Variants in ADAMTS2 observed in about 807,000 individuals in gnomAD.
The protein encoded by ADAMTS2 is ADAM metallopeptidase with thrombospondin type 1 motif 2.
In ADAMTS2, 50 loss-of-function variants were observed where a neutral mutation model predicts 123.0. The ratio of observed to expected loss-of-function variants is 0.41; its 90% CI spans 0.32 to 0.51. ADAMTS2 has a LOEUF of 0.51. Among genes scored for constraint, ADAMTS2 ranks in the 20% least tolerant of loss-of-function variants. The pLI is 0.35. For missense variants in ADAMTS2, 1,494 were observed against 1,705.2 expected, an observed-to-expected ratio of 0.88 and a Z score of 2.18; for synonymous variants, 678 against 695.4, an observed-to-expected ratio of 0.98 and a Z score of 0.39.
At position 179,225,229 on chromosome 5, in the gene ADAMTS2, T is replaced by C. The variant is rs539968528; in HGVS notation, c.689-17514A>G. Among the ~76,000 whole-genome samples the C allele has an allele frequency of 1.2e-3, 189 of 152,318 alleles. No individual in the cohort carries two copies. The highest frequency in any genetic ancestry group is 4.4e-3 in the African/African-American group (182 of 41,560). On this transcript the variant is annotated intron_variant, in intron 3 of 21. Coordinates refer to ENST00000251582, the MANE Select transcript of ADAMTS2 (RefSeq NM_014244.5). The surrounding 1 kb of genome is among the most constrained non-coding windows in gnomAD (Gnocchi z 4.5). Reference sequence around the variant, plus strand: ...AGGGCTCACCCACATCATGTGCGCTTCAGACAAAGGACTAATTTCCTTAAT... The same window carrying C: ...AGGGCTCACCCACATCATGTGCGCTCCAGACAAAGGACTAATTTCCTTAAT...
At chr5:179,123,474 G>A (rs1762796613) in intron 19 of ADAMTS2, among the ~76,000 whole-genome samples, 1 of 152,216 alleles carries the variant, frequency 6.6e-6, no homozygotes, top group Non-Finnish European at 1.5e-5. Flanking sequence ...GGCCCAGGCT[G>A]GAGTACAGTG....
chr5:179,182,325 C>T (rs112833515), intron 4 of ADAMTS2, among the ~76,000 whole-genome samples: 32 of 152,270 alleles, frequency 2.1e-4, no homozygotes, highest in African/African-American at 6.3e-4. Context: ...GTGTGCAGAC[C>T]GAGCCCAGGG....
chr5:179,271,996 C>T (rs866066136), intron 3 of ADAMTS2, among the ~76,000 whole-genome samples: 25 of 152,320 alleles, frequency 1.6e-4, no homozygotes, highest in African/African-American at 5.3e-4. Flanking sequence ...ACTCTCCTCA[C>T]CCAGGGGTCC....
Position 179,130,226 on chromosome 5 carries a change from A to G in ADAMTS2, c.2291-128T>C. The G allele has an allele frequency of 1.7e-6, 2 of 1,203,678 alleles. No individual in the cohort carries two copies. The highest frequency in any genetic ancestry group is 2.4e-6 in the Non-Finnish European group (2 of 834,726). The allele number at this position is 1,203,678 out of a possible 1,614,324, so 74.6% of individuals were successfully genotyped here. On this transcript the variant is annotated intron_variant, in intron 15 of 21. Coordinates refer to ENST00000251582, the MANE Select transcript of ADAMTS2 (RefSeq NM_014244.5). This position sits in a 1 kb window ranked among gnomAD's most constrained non-coding sequence, Gnocchi z 4.3. The stretch of plus-strand genomic sequence containing the variant: ...CTTGTCTCTCTGGCTGCCCCCGGCC[A>G]GTTTCCTCTGTGCCACGACAGCCCA...
intron 3 of ADAMTS2, among the ~76,000 whole-genome samples, chr5:179,209,054 G>A (rs1764787572): frequency 6.6e-6 from 1 of 152,202 alleles, no homozygotes; most frequent in Non-Finnish European, 1.5e-5. Flanking sequence ...CTCCCTCCCT[G>A]TGAGGGTGGC....
intron 2 of ADAMTS2, among the ~76,000 whole-genome samples, chr5:179,339,299 G>T (rs1757703657): frequency 6.6e-6 from 1 of 152,174 alleles, no homozygotes; most frequent in Middle Eastern, 3.2e-3. Flanking sequence ...CTCAAAGGTT[G>T]CCTCCTTGGA....
intron 3 of ADAMTS2, among the ~76,000 whole-genome samples, chr5:179,235,645 G>C (rs1306609612): frequency 6.6e-6 from 1 of 152,220 alleles, no homozygotes; most frequent in Non-Finnish European, 1.5e-5. Flanking sequence ...TGGTAGGCCA[G>C]GCCTTGCCCT....
At chr5:179,121,586 G>C in intron 21 of ADAMTS2, 75 bp downstream of exon 21, 1 of 1,247,368 alleles carries the variant, frequency 8.0e-7, no homozygotes, top group Non-Finnish European at 1.1e-6. Flanking sequence ...GAGAGGAGGG[G>C]GGCCCAAGGC....
Position 179,273,017 on chromosome 5 carries a change from C to T in ADAMTS2, c.582G>A (p.Leu194=). ...CCTCCTGCGCCGCCAGCCCCTTCTC[C>T]AAGGGTTCGATGAAGAACTCCTCCT... ...MEEEEFFIEP[L]EKGLAAQEAE... Residue 194 remains leucine, a synonymous_variant, in exon 3 of 22, where the codon TTG becomes TTA. Transcript: ENST00000251582. 6.2e-7 allele frequency: 1 copy of T among 1,613,548 alleles called. No homozygotes were observed. Among genetic ancestry groups the T allele is most frequent in the South Asian group, 1.1e-5 (1 of 91,076 alleles).
intron 3 of ADAMTS2, among the ~76,000 whole-genome samples, chr5:179,268,060 T>G (rs531828785): frequency 6.6e-6 from 1 of 152,314 alleles, no homozygotes. Context: ...TCCAGAAATT[T>G]TAAGCCACAT....
At chr5:179,327,782 A>G (rs1469660898) in intron 2 of ADAMTS2, among the ~76,000 whole-genome samples, 1 of 152,206 alleles carries the variant, frequency 6.6e-6, no homozygotes, top group Non-Finnish European at 1.5e-5. Context: ...CTCTGAAGGC[A>G]TGGTTGTAGC....
chr5:179,274,103 G>A (rs1424901491), intron 2 of ADAMTS2, among the ~76,000 whole-genome samples: 7 of 142,410 alleles, frequency 4.9e-5, no homozygotes, highest in Non-Finnish European at 1.5e-5. Context: ...CTGCCATCCA[G>A]CCTGCCCTCC....
At chr5:179,194,758 G>A (rs73329704) in intron 4 of ADAMTS2, among the ~76,000 whole-genome samples, 2,540 of 152,274 alleles carry the variant, frequency 0.017, 85 homozygotes, top group African/African-American at 0.057. Context: ...GGGCAAGGTA[G>A]TGAGGTCACA....
chr5:179,344,054 C>A lies in ADAMTS2; in HGVS notation c.247G>T (p.Gly83Trp). The stretch of plus-strand genomic sequence containing the variant: ...GGGGCGGCCCTGCGGGCTCGTACCC[C>A]TGCTCTGGACGTAGCTGCCGACACC... ...HVVSAATSRA[G>W]VRARRAAPVR... Residue 83 changes from glycine (G) to tryptophan (W), a missense_variant, in exon 2 of 22, where the codon GGG (glycine) becomes TGG (tryptophan). Gly to Trp is a radical substitution (Grantham distance 184). Transcript: ENST00000251582. 1 of 1,612,246 alleles carries A rather than the reference C, an allele frequency of 6.2e-7. No homozygotes were observed. Among genetic ancestry groups the A allele is most frequent in the Non-Finnish European group, 8.5e-7 (1 of 1,179,714 alleles).
rs1329550840 is a variant in ADAMTS2, at chr5:179,185,421, C to T, written c.892-4266G>A. ...GGGCATTCCGGCAGCTCCCACAGGG[C>T]GGAGGGAGGAGATGCGGGGCTGGCC... is the stretch of plus-strand genomic sequence containing the variant. On this transcript the variant is annotated intron_variant, in intron 4 of 21. Transcript: ENST00000251582. The surrounding 1 kb of genome is among the most constrained non-coding windows in gnomAD (Gnocchi z 5.9). Among the ~76,000 whole-genome samples, 4 of 151,968 alleles carry T rather than the reference C, an allele frequency of 2.6e-5. No homozygotes were observed. The highest frequency in any genetic ancestry group is 2.1e-4 in the South Asian group (1 of 4,824).
intron 3 of ADAMTS2, among the ~76,000 whole-genome samples, chr5:179,236,562 G>A (rs758140322): frequency 2.6e-5 from 4 of 152,138 alleles, no homozygotes; most frequent in Admixed American, 6.5e-5. Context: ...AGTCTGAGGC[G>A]GTAGGATCAC....
intron 3 of ADAMTS2, among the ~76,000 whole-genome samples, chr5:179,220,466 C>T (rs1447892152): frequency 6.6e-6 from 1 of 152,152 alleles, no homozygotes; most frequent in Non-Finnish European, 1.5e-5. Context: ...AGGTACCTCA[C>T]ACTCAGAAGG....
At position 179,153,555 on chromosome 5, in the gene ADAMTS2, A is replaced by G; in HGVS notation, c.1451T>C (p.Leu484Pro). ...DWPALPQLPG[L>P]HYSMNEQCRF... Reference sequence around the variant, plus strand: ...GCATTGCTCGTTCATGGAGTAGTGCAGTCCCGGGAGCTGGGGCAGCGCCGG... The same window carrying G: ...GCATTGCTCGTTCATGGAGTAGTGCGGTCCCGGGAGCTGGGGCAGCGCCGG... The change falls in exon 9 of 22, where the codon CTG becomes CCG. Residue 484 changes from leucine (L) to proline (P), a missense_variant. Leu to Pro is a moderately conservative substitution (Grantham distance 98). Coordinates refer to ENST00000251582, the MANE Select transcript of ADAMTS2 (RefSeq NM_014244.5). 6.2e-7 allele frequency: 1 copy of G among 1,610,458 alleles called. No individual in the cohort carries two copies. Among genetic ancestry groups the G allele is most frequent in the Non-Finnish European group, 8.5e-7 (1 of 1,179,808 alleles).
chr5:179,121,801 C>T, intron 20 of ADAMTS2, 51 bp from the exon 21 acceptor site: 2 of 1,299,028 alleles, frequency 1.5e-6, no homozygotes, highest in Non-Finnish European at 1.1e-6. Context: ...GCTGGGGCCC[C>T]CACCCCAGGC....
Sources: gnomAD v4.1 joint callset for allele counts (sites outside exome capture counted in the v4.1 genomes callset) on GRCh38, gnomAD v4.1.1 for gene constraint, Gnocchi (gnomAD v3.1) non-coding constraint, MANE v1.5 for transcripts, NCBI Gene and HGNC (gene_info 2026-07-23, HGNC 2026-07-21) for gene names.